Variants in HS6ST2 observed in about 807,000 individuals in gnomAD.
The protein encoded by HS6ST2 is heparan sulfate 6-O-sulfotransferase 2, also known as heparan-sulfate 6-O-sulfotransferase 2.
In HS6ST2, 17 loss-of-function variants were observed where a neutral mutation model predicts 33.0. The observed-to-expected ratio is 0.52, with a 90% CI of 0.35 to 0.77. The LOEUF is 0.77. Among genes scored for constraint, HS6ST2 ranks in the 30% least tolerant of loss-of-function variants. The pLI is 0.01. For missense variants in HS6ST2, 519 were observed against 551.7 expected, an observed-to-expected ratio of 0.94 and a Z score of 0.59; for synonymous variants, 248 against 237.1, an observed-to-expected ratio of 1.05 and a Z score of -0.42.
At chrX:132,756,487 C>T (rs770095659) in intron 2 of HS6ST2, among the ~76,000 whole-genome samples, 7 of 110,673 alleles carry the variant, frequency 6.3e-5, no homozygotes, top group Non-Finnish European at 1.3e-4. Context: ...GCTCGCTCTC[C>T]CTCTCCCACC....
At position 132,720,092 on chromosome X, in the gene HS6ST2, G is replaced by A. The variant is rs192933454; in HGVS notation, c.948-11598C>T. Among the ~76,000 whole-genome samples, 6 of 112,492 alleles carry A rather than the reference G, an allele frequency of 5.3e-5. No individual in the cohort carries two copies. The East Asian group carries it at 1.1e-3, about 21-fold the overall frequency. ...TTGCCTCCACACACAGCCCCACCAT[G>A]GTTTCCCTGTAGCCATGGTGTCTCT... On this transcript the variant is annotated intron_variant, in intron 2 of 4. Transcript: ENST00000370833.
intron 2 of HS6ST2, among the ~76,000 whole-genome samples, chrX:132,943,901 C>A (rs1442829484): frequency 9.0e-6 from 1 of 111,191 alleles, no homozygotes; most frequent in Non-Finnish European, 1.9e-5. Flanking sequence ...CAGCCAAAAT[C>A]ATACTGAATG....
In HS6ST2 at chrX:132,942,539, T is replaced by C. The variant is rs762019663; in HGVS notation, c.947+14269A>G. On this transcript the variant is annotated intron_variant, in intron 2 of 4. Coordinates refer to ENST00000370833, the MANE Select transcript of HS6ST2 (RefSeq NM_001394073.1). ...GAATGTGCCACTCTTATTTGGTTAT[T>C]TCAGCAACAAAATGGATTCTTATTA... Among the ~76,000 whole-genome samples the C allele has an allele frequency of 4.5e-5, 5 of 112,288 alleles. No individual in the cohort carries two copies. The South Asian group carries it at 1.9e-3, about 42-fold the overall frequency.
At chrX:132,785,290 T>C (rs1744788324) in intron 2 of HS6ST2, among the ~76,000 whole-genome samples, 1 of 112,065 alleles carries the variant, frequency 8.9e-6, no homozygotes, top group Non-Finnish European at 1.9e-5. Flanking sequence ...ATGGCAACTC[T>C]ATCACACAAG....
At chrX:132,867,483 C>T (rs759592709) in intron 2 of HS6ST2, among the ~76,000 whole-genome samples, 18 of 111,272 alleles carry the variant, frequency 1.6e-4, no homozygotes, top group South Asian at 1.5e-3. Flanking sequence ...ATCAGGATGA[C>T]GCTGGCCTCA....
chrX:132,639,145 C>T (rs1251300700), intron 4 of HS6ST2, among the ~76,000 whole-genome samples: 1 of 112,243 alleles, frequency 8.9e-6, no homozygotes, highest in African/African-American at 3.2e-5. Context: ...TGGAATTCTT[C>T]ACACAATGAG....
At chrX:132,813,486 C>T (rs1461459779) in intron 2 of HS6ST2, among the ~76,000 whole-genome samples, 2 of 111,834 alleles carry the variant, frequency 1.8e-5, no homozygotes, top group Non-Finnish European at 3.8e-5. Flanking sequence ...TGTCCATCTG[C>T]TTACTGAACA....
At chrX:132,893,114 A>G (rs1355236137) in intron 2 of HS6ST2, among the ~76,000 whole-genome samples, 1 of 112,135 alleles carries the variant, frequency 8.9e-6, no homozygotes, top group East Asian at 2.8e-4. Flanking sequence ...GCGTTTGAGA[A>G]GCATTGATAT....
At chrX:132,674,975 A>G (rs1332709278) in intron 3 of HS6ST2, among the ~76,000 whole-genome samples, 4 of 111,846 alleles carry the variant, frequency 3.6e-5, no homozygotes, top group Non-Finnish European at 7.5e-5. Context: ...AAAAGAAAAT[A>G]TGACAGAACT....
chrX:132,854,105 C>G (rs1465619736), intron 2 of HS6ST2, among the ~76,000 whole-genome samples: 1 of 111,631 alleles, frequency 9.0e-6, no homozygotes, highest in Non-Finnish European at 1.9e-5. Context: ...GAAAAAGGAC[C>G]AGCAGATCAT....
chrX:132,877,870 A>G (rs2066124301), intron 2 of HS6ST2, among the ~76,000 whole-genome samples: 1 of 110,844 alleles, frequency 9.0e-6, no homozygotes, highest in Non-Finnish European at 1.9e-5. Flanking sequence ...ATTGTATGGA[A>G]AGGGGAGACA....
intron 2 of HS6ST2, among the ~76,000 whole-genome samples, chrX:132,813,210 C>T (rs2065365561): frequency 9.0e-6 from 1 of 111,559 alleles, no homozygotes; most frequent in Non-Finnish European, 1.9e-5. Context: ...TACTAAATTA[C>T]TTAATTACTA....
At chrX:132,844,680 T>C (rs1459184141) in intron 2 of HS6ST2, among the ~76,000 whole-genome samples, 2 of 111,364 alleles carry the variant, frequency 1.8e-5, no homozygotes, top group African/African-American at 6.5e-5. Flanking sequence ...ATAAGTGGAA[T>C]CAACACCCAC....
At position 132,799,484 on chromosome X, in the gene HS6ST2, C is replaced by T. The variant is rs1017564098; in HGVS notation, c.948-90990G>A. ...CAACCTTCCAGGCTTAATCAATCCT[C>T]CAACCTCAGCCTCCCAAGAAGCTAT... On this transcript the variant is annotated intron_variant, in intron 2 of 4. Coordinates refer to ENST00000370833, the MANE Select transcript of HS6ST2 (RefSeq NM_001394073.1). 4.6e-5 allele frequency among the ~76,000 whole-genome samples: 5 copies of T among 109,556 alleles called. No individual in the cohort carries two copies. In the Middle Eastern group the frequency reaches 0.019, roughly 408 times the overall value.
At chrX:132,730,214 C>T (rs1447585486) in intron 2 of HS6ST2, among the ~76,000 whole-genome samples, 1 of 112,021 alleles carries the variant, frequency 8.9e-6, no homozygotes, top group Non-Finnish European at 1.9e-5. Context: ...TACAATAACA[C>T]AGCAGCTATC....
intron 2 of HS6ST2, among the ~76,000 whole-genome samples, chrX:132,720,962 G>A (rs1300768833): frequency 1.8e-5 from 2 of 111,379 alleles, no homozygotes; most frequent in African/African-American, 6.5e-5. Context: ...GAGAGAGATA[G>A]GTCCCAATAC....
intron 2 of HS6ST2, among the ~76,000 whole-genome samples, chrX:132,786,079 A>G (rs779496604): frequency 2.7e-5 from 3 of 111,979 alleles, no homozygotes; most frequent in African/African-American, 6.5e-5. Flanking sequence ...AATAGTTTCT[A>G]CTTCACTGGG....
intron 2 of HS6ST2, among the ~76,000 whole-genome samples, chrX:132,816,119 T>G (rs2065392482): frequency 8.9e-6 from 1 of 111,862 alleles, no homozygotes; most frequent in African/African-American, 3.3e-5. Flanking sequence ...AATCTTAAGA[T>G]TCTGAGTCTA....
At chrX:132,838,774 T>A (rs1311399396) in intron 2 of HS6ST2, among the ~76,000 whole-genome samples, 1 of 108,927 alleles carries the variant, frequency 9.2e-6, no homozygotes, top group African/African-American at 3.3e-5. Flanking sequence ...GCCGTCACTA[T>A]TTTTTTTTAA....
Sources: gnomAD v4.1 joint callset for allele counts (sites outside exome capture counted in the v4.1 genomes callset) on GRCh38, gnomAD v4.1.1 for gene constraint, MANE v1.5 for transcripts, NCBI Gene and HGNC (gene_info 2026-07-23, HGNC 2026-07-21) for gene names.